Variants in LMOD1 observed in about 807,000 individuals in gnomAD.
LMOD1 encodes the protein leiomodin 1, also known as leiomodin-1.
Under a neutral mutation model 36.5 loss-of-function variants are expected in LMOD1, and 8 were observed. The ratio of observed to expected loss-of-function variants is 0.22; its 90% CI spans 0.13 to 0.40. The LOEUF (loss-of-function observed/expected upper bound fraction) is 0.40, where lower values mean the gene tolerates loss of function less well. Among genes scored for constraint, LMOD1 ranks in the 10% least tolerant of loss-of-function variants. The probability of loss-of-function intolerance (pLI) is 1.00; values close to 1 mark genes in which losing one functional copy is unlikely to be tolerated. For synonymous variants in LMOD1, 284 were observed against 288.7 expected (o/e 0.98, Z 0.17); for missense variants, 630 against 751.1 (o/e 0.84, Z 1.88).
chr1:201,896,875 G>A lies in LMOD1; in HGVS notation c.*1497C>T, dbSNP rs535324727. 9.2e-4 allele frequency: 334 copies of A among 361,262 alleles called. 3 individuals are homozygous for A. Among genetic ancestry groups the A allele is most frequent in the African/African-American group, 6.8e-3 (319 of 47,216 alleles). The allele number at this position is 361,262 out of a possible 1,614,324, so 22.4% of individuals were successfully genotyped here. A position where few individuals can be genotyped will look rare whatever the true frequency, so the allele number is the denominator to read the frequency against. On this transcript the variant is annotated 3_prime_UTR_variant, in exon 3 of 3. Coordinates refer to ENST00000367288, the MANE Select transcript of LMOD1 (RefSeq NM_012134.3). ...TGGTCAGACCTAGCACAGCGATCTT[G>A]CTTCCTAGCTGGGGCACCCCACCCT...
chr1:201,930,859 C>T (rs1681906115), intron 1 of LMOD1, among the ~76,000 whole-genome samples: 2 of 152,068 alleles, frequency 1.3e-5, no homozygotes, highest in South Asian at 4.2e-4. Flanking sequence ...TGTATTGGCA[C>T]CGAGGGAAAT....
intron 1 of LMOD1, among the ~76,000 whole-genome samples, chr1:201,933,595 T>TTATATATATATA (rs71141426): frequency 0.027 from 1,695 of 62,652 alleles, 74 homozygotes; most frequent in African/African-American, 0.057. Flanking sequence ...TATACATACA[T>TTATATATATATA]TATATATATA....
intron 1 of LMOD1, among the ~76,000 whole-genome samples, chr1:201,920,008 G>A (rs1301993757): frequency 7.0e-6 from 1 of 142,574 alleles, no homozygotes; most frequent in Non-Finnish European, 1.5e-5. Context: ...GAATATATTG[G>A]CTTCAATGCC....
intron 1 of LMOD1, among the ~76,000 whole-genome samples, chr1:201,921,865 C>G (rs1681712200): frequency 6.6e-6 from 1 of 151,502 alleles, no homozygotes; most frequent in Non-Finnish European, 1.5e-5. Context: ...GAGGCTGAGG[C>G]AGGAGAATGG....
intron 1 of LMOD1, among the ~76,000 whole-genome samples, chr1:201,935,320 T>C (rs967763145): frequency 2.4e-5 from 2 of 83,768 alleles, no homozygotes; most frequent in Admixed American, 2.5e-4. Flanking sequence ...TTTGATGTCC[T>C]TTTTTTTTTT....
At chr1:201,919,545 A>G (rs576857574) in intron 1 of LMOD1, among the ~76,000 whole-genome samples, 47 of 152,134 alleles carry the variant, frequency 3.1e-4, no homozygotes, top group African/African-American at 8.7e-4. Flanking sequence ...CAGAAAGCCC[A>G]TTTGGTCCTG....
chr1:201,896,950 G>A lies in LMOD1; in HGVS notation c.*1422C>T, dbSNP rs2102905938. On this transcript the variant is annotated 3_prime_UTR_variant, in exon 3 of 3. Coordinates refer to ENST00000367288, the MANE Select transcript of LMOD1 (RefSeq NM_012134.3). The stretch of plus-strand genomic sequence containing the variant: ...GTGCCTCCTGCTGTTGAGGCAACCT[G>A]GAGGCAGAGAAACCTACAAGTGACA... 1.1e-5 allele frequency: 4 copies of A among 349,076 alleles called. No homozygotes were observed. Among genetic ancestry groups the A allele is most frequent in the Middle Eastern group, 2.1e-3 (2 of 952 alleles). The allele number at this position is 349,076 out of a possible 1,614,324, so 21.6% of individuals were successfully genotyped here. A position where few individuals can be genotyped will look rare whatever the true frequency, so the allele number is the denominator to read the frequency against.
At chr1:201,939,190 T>G (rs1682073097) in intron 1 of LMOD1, among the ~76,000 whole-genome samples, 1 of 151,798 alleles carries the variant, frequency 6.6e-6, no homozygotes, top group African/African-American at 2.4e-5. Context: ...ATTTGGCAGA[T>G]ATACAGGTAC....
In LMOD1 at chr1:201,898,123, T is replaced by C; in HGVS notation, c.*249A>G. 1.8e-6 allele frequency: 1 copy of C among 564,856 alleles called. No individual in the cohort carries two copies. Among genetic ancestry groups the C allele is most frequent in the Non-Finnish European group, 3.2e-6 (1 of 314,376 alleles). 35.0% of individuals were successfully genotyped at this position (564,856 alleles called of 1,614,324 possible). On this transcript the variant is annotated 3_prime_UTR_variant, in exon 3 of 3. Coordinates refer to ENST00000367288, the MANE Select transcript of LMOD1 (RefSeq NM_012134.3). ...CTTCTCAGTGATGTGCTAAAAGGAC[T>C]CTTCTTGTCCAGAAACCTGAGCTCC... is the stretch of plus-strand genomic sequence containing the variant.
At chr1:201,902,506 G>T (rs1433026455) in intron 1 of LMOD1, among the ~76,000 whole-genome samples, 1 of 151,946 alleles carries the variant, frequency 6.6e-6, no homozygotes. Flanking sequence ...GAGTGTGATG[G>T]CGCAATCTTG....
At chr1:201,922,284 C>T (rs7548601) in intron 1 of LMOD1, among the ~76,000 whole-genome samples, 49,352 of 151,988 alleles carry the variant, frequency 0.32, 9,000 homozygotes, top group East Asian at 0.7. Flanking sequence ...AAAAAGCTTC[C>T]ACACAAATGT....
At chr1:201,915,670 T>C (rs561541193) in intron 1 of LMOD1, among the ~76,000 whole-genome samples, 13 of 152,248 alleles carry the variant, frequency 8.5e-5, no homozygotes, top group Non-Finnish European at 2.9e-5. Flanking sequence ...GGGGGAAGGC[T>C]GGGAAATCGA....
At chr1:201,917,330 C>T (rs372851488) in intron 1 of LMOD1, among the ~76,000 whole-genome samples, 1 of 152,208 alleles carries the variant, frequency 6.6e-6, no homozygotes, top group East Asian at 1.9e-4. Context: ...AGGCCCTTAC[C>T]CCTACCACCA....
In LMOD1 at chr1:201,918,455, GC is replaced by G. The variant is rs1419799614; in HGVS notation, c.262-17705del. On this transcript the variant is annotated intron_variant, in intron 1 of 2. Coordinates refer to ENST00000367288, the MANE Select transcript of LMOD1 (RefSeq NM_012134.3). ...GCAGACTTTGTAGCATGGCAACAAA[GC>G]CCTCCGTGACCTGGCCTGTGCCTGC... is the stretch of plus-strand genomic sequence containing the variant. 3.3e-5 allele frequency among the ~76,000 whole-genome samples: 5 copies of G among 152,326 alleles called. No individual in the cohort carries two copies. In the East Asian group the frequency reaches 9.6e-4, roughly 29 times the overall value.
intron 1 of LMOD1, among the ~76,000 whole-genome samples, chr1:201,938,957 C>A (rs1320508292): frequency 6.6e-6 from 1 of 152,088 alleles, no homozygotes; most frequent in Non-Finnish European, 1.5e-5. Flanking sequence ...TTCACTCTGT[C>A]TTTTTCCAAC....
At chr1:201,927,740 G>A (rs187336064) in intron 1 of LMOD1, among the ~76,000 whole-genome samples, 18 of 152,268 alleles carry the variant, frequency 1.2e-4, no homozygotes, top group South Asian at 8.3e-4. Context: ...GCAAAATGGC[G>A]CAATGTCAGC....
intron 1 of LMOD1, among the ~76,000 whole-genome samples, chr1:201,912,657 G>A (rs1242984693): frequency 3.3e-5 from 5 of 152,168 alleles, no homozygotes; most frequent in African/African-American, 1.2e-4. Context: ...TCGGGAGTTT[G>A]AGACCAGCCT....
intron 1 of LMOD1, among the ~76,000 whole-genome samples, chr1:201,933,287 G>A (rs537902335): frequency 3.3e-5 from 5 of 151,714 alleles, no homozygotes; most frequent in Admixed American, 2.0e-4. Context: ...GGTGGTGGAC[G>A]CCTGTAATCA....
intron 1 of LMOD1, among the ~76,000 whole-genome samples, chr1:201,922,019 T>C (rs1681714642): frequency 6.6e-6 from 1 of 151,932 alleles, no homozygotes; most frequent in Admixed American, 6.6e-5. Context: ...CCATGCCCTT[T>C]GAGATTGGCA....
Sources: allele counts gnomAD v4.1 joint callset (sites outside exome capture counted in the v4.1 genomes callset), GRCh38; gene constraint gnomAD v4.1.1; transcripts MANE v1.5; gene names NCBI Gene and HGNC (gene_info 2026-07-23, HGNC 2026-07-21).